Variants in NOVA1 observed in about 807,000 individuals in gnomAD.
The protein encoded by NOVA1 is NOVA alternative splicing regulator 1.
A neutral mutation model predicts 38.0 loss-of-function variants in NOVA1; 7 were observed. The ratio of observed to expected loss-of-function variants is 0.18; its 90% CI spans 0.10 to 0.35. The LOEUF (loss-of-function observed/expected upper bound fraction) is 0.35, where lower values mean the gene tolerates loss of function less well. NOVA1 is among the 10% of genes least tolerant of loss of function. The probability of loss-of-function intolerance (pLI) is 1.00; values close to 1 mark genes in which losing one functional copy is unlikely to be tolerated. For synonymous variants in NOVA1, 270 were observed against 232.5 expected, an observed-to-expected ratio of 1.16 and a Z score of -1.47; for missense variants, 460 against 616.0, an observed-to-expected ratio of 0.75 and a Z score of 2.68.
At position 26,446,613 on chromosome 14, in the gene NOVA1, A is replaced by G. The variant is rs1216737848; in HGVS notation, c.*1346T>C. 6.5e-6 allele frequency: 1 copy of G among 152,834 alleles called. No individual in the cohort carries two copies. The highest frequency in any genetic ancestry group is 1.5e-5 in the Non-Finnish European group (1 of 68,202). 9.5% of individuals were successfully genotyped at this position (152,834 alleles called of 1,614,324 possible). On this transcript the variant is annotated 3_prime_UTR_variant, in exon 5 of 5. Transcript: ENST00000539517. ...GAGGTGCTTGGGGATGGATGCCCCT[A>G]TGAGTGGCCTTGAGTGGGCAAACTC...
At chr14:26,516,078 T>C (rs965097477) in intron 2 of NOVA1, among the ~76,000 whole-genome samples, 1 of 152,140 alleles carries the variant, frequency 6.6e-6, no homozygotes, top group African/African-American at 2.4e-5. Context: ...TTTTTCACTT[T>C]AGTTATTCAG....
intron 2 of NOVA1, among the ~76,000 whole-genome samples, chr14:26,581,075 G>A (rs1331926048): frequency 1.3e-5 from 2 of 151,968 alleles, no homozygotes; most frequent in South Asian, 2.1e-4. Context: ...ACTACATTAC[G>A]CAGATAAAAA....
rs1391354245 is a variant in NOVA1, at chr14:26,443,448, G to T, written c.*4511C>A. The T allele has an allele frequency of 6.6e-6, 1 of 151,470 alleles. No homozygotes were observed. The highest frequency in any genetic ancestry group is 1.5e-5 in the Non-Finnish European group (1 of 67,718). The allele number at this position is 151,470 out of a possible 1,614,324, so 9.4% of individuals were successfully genotyped here. A position where few individuals can be genotyped will look rare whatever the true frequency, so the allele number is the denominator to read the frequency against. ...GGTAATGCTTCAATTTTCAAGAACA[G>T]TTTTTTTTGTTTATATAGACCAGTG... On this transcript the variant is annotated 3_prime_UTR_variant, in exon 5 of 5. Coordinates refer to ENST00000539517, the MANE Select transcript of NOVA1 (RefSeq NM_002515.3).
intron 2 of NOVA1, among the ~76,000 whole-genome samples, chr14:26,574,526 T>A (rs1334952511): frequency 6.6e-6 from 1 of 152,134 alleles, no homozygotes; most frequent in East Asian, 1.9e-4. Context: ...CGTCTTAATG[T>A]AAAACAGTAT....
chr14:26,496,555 T>C (rs1336109732), intron 2 of NOVA1, among the ~76,000 whole-genome samples: 1 of 152,144 alleles, frequency 6.6e-6, no homozygotes, highest in Non-Finnish European at 1.5e-5. Flanking sequence ...GTTTTAGACA[T>C]GAAGTCCTTG....
At chr14:26,515,317 C>T (rs1888383855) in intron 2 of NOVA1, among the ~76,000 whole-genome samples, 2 of 151,756 alleles carry the variant, frequency 1.3e-5, no homozygotes, top group South Asian at 2.1e-4. Context: ...AAAAAAATTA[C>T]CTAAGTTTAA....
At chr14:26,530,325 A>T (rs1889617701) in intron 2 of NOVA1, among the ~76,000 whole-genome samples, 1 of 152,230 alleles carries the variant, frequency 6.6e-6, no homozygotes, top group African/African-American at 2.4e-5. Flanking sequence ...TATTCATCCT[A>T]TTAAATAATA....
At chr14:26,553,565 G>A (rs1891293959) in intron 2 of NOVA1, among the ~76,000 whole-genome samples, 1 of 151,992 alleles carries the variant, frequency 6.6e-6, no homozygotes, top group African/African-American at 2.4e-5. Flanking sequence ...TTGAAGAGAG[G>A]GAGAAAAGAC....
intron 2 of NOVA1, among the ~76,000 whole-genome samples, chr14:26,587,566 A>G (rs145377670): frequency 0.012 from 1,884 of 151,044 alleles, 20 homozygotes; most frequent in Middle Eastern, 0.048. Context: ...TACCTTCACC[A>G]CTTTTTAAAG....
At chr14:26,487,785 T>TGACAGATTC (rs1886033363) in intron 2 of NOVA1, among the ~76,000 whole-genome samples, 1 of 152,162 alleles carries the variant, frequency 6.6e-6, no homozygotes. Context: ...CCAAGATTTA[T>TGACAGATTC]TCCAAATCTG....
chr14:26,576,138 C>T (rs1042810287), intron 2 of NOVA1, among the ~76,000 whole-genome samples: 1 of 151,156 alleles, frequency 6.6e-6, no homozygotes, highest in Non-Finnish European at 1.5e-5. Flanking sequence ...TCAATATATA[C>T]TTATCATCTA....
intron 3 of NOVA1, among the ~76,000 whole-genome samples, chr14:26,473,103 TGAA>T (rs914250613): frequency 6.6e-5 from 10 of 151,770 alleles, no homozygotes; most frequent in Admixed American, 1.3e-4. Context: ...TTAATATAGA[TGAA>T]GAGTATAATA....
intron 1 of NOVA1, 159 bp downstream of exon 1, chr14:26,597,142 G>A: frequency 8.2e-7 from 1 of 1,217,940 alleles, no homozygotes; most frequent in Admixed American, 4.3e-5. Context: ...GTGCAGGGGA[G>A]GGGGCGCGGG....
intron 2 of NOVA1, among the ~76,000 whole-genome samples, chr14:26,574,843 G>T (rs1434720075): frequency 6.6e-6 from 1 of 151,180 alleles, no homozygotes; most frequent in Non-Finnish European, 1.5e-5. Context: ...TTTTTTTTTT[G>T]TAGAGACAGA....
chr14:26,586,836 T>C (rs1490669061), intron 2 of NOVA1, among the ~76,000 whole-genome samples: 4 of 150,836 alleles, frequency 2.7e-5, no homozygotes, highest in Admixed American at 1.3e-4. Context: ...ATCCTGCCTA[T>C]GTTCCTTCAG....
intron 4 of NOVA1, among the ~76,000 whole-genome samples, chr14:26,449,332 C>A (rs991429261): frequency 7.2e-5 from 11 of 152,040 alleles, no homozygotes; most frequent in Middle Eastern, 3.2e-3. Flanking sequence ...GATTCTTCAC[C>A]TATTGTAACT....
At chr14:26,483,295 T>C (rs1158636285) in intron 2 of NOVA1, among the ~76,000 whole-genome samples, 4 of 152,230 alleles carry the variant, frequency 2.6e-5, no homozygotes, top group Admixed American at 6.5e-5. Context: ...CACTGGGCCC[T>C]GTGCCCCCTT....
At chr14:26,551,887 C>T (rs1470414278) in intron 2 of NOVA1, among the ~76,000 whole-genome samples, 2 of 151,828 alleles carry the variant, frequency 1.3e-5, no homozygotes, top group African/African-American at 4.8e-5. Context: ...AAAGATTATT[C>T]TCACCTTTAA....
chr14:26,530,415 A>C (rs553578294), intron 2 of NOVA1, among the ~76,000 whole-genome samples: 1 of 152,320 alleles, frequency 6.6e-6, no homozygotes, highest in East Asian at 1.9e-4. Flanking sequence ...AAAAGCAAGT[A>C]TAATATGTTC....
Sources: allele counts gnomAD v4.1 joint callset (sites outside exome capture counted in the v4.1 genomes callset), GRCh38; gene constraint gnomAD v4.1.1; transcripts MANE v1.5; gene names NCBI Gene and HGNC (gene_info 2026-07-23, HGNC 2026-07-21).